Variants in SH2D4A observed in about 807,000 individuals in gnomAD.
The protein encoded by SH2D4A is SH2 domain-containing protein 4A.
Under a neutral mutation model 64.7 loss-of-function variants are expected in SH2D4A, and 70 were observed. The observed-to-expected ratio is 1.08, with a 90% CI of 0.89 to 1.32. The LOEUF (loss-of-function observed/expected upper bound fraction) is 1.32. Ranked by LOEUF, SH2D4A falls within the 40% of genes most tolerant of loss-of-function variation. SH2D4A has a pLI of 0.00. For synonymous variants in SH2D4A, 268 were observed against 200.7 expected (o/e 1.34, Z -2.83); for missense variants, 706 against 540.1 (o/e 1.31, Z -3.04).
intron 8 of SH2D4A, among the ~76,000 whole-genome samples, chr8:19,391,440 G>T (rs894801091): frequency 6.6e-6 from 1 of 152,138 alleles, no homozygotes; most frequent in East Asian, 1.9e-4. Flanking sequence ...CATGATACAT[G>T]CAATGCATGT....
intron 1 of SH2D4A, 65 bp from the exon 2 acceptor site, chr8:19,319,279 C>T (rs918168544): frequency 2.7e-6 from 3 of 1,094,828 alleles, no homozygotes; most frequent in Non-Finnish European, 3.3e-6. Context: ...TTTTTTTAAA[C>T]CCGTCCTAGC....
At chr8:19,381,078 G>A (rs768118561) in intron 8 of SH2D4A, among the ~76,000 whole-genome samples, 32 of 148,234 alleles carry the variant, frequency 2.2e-4, no homozygotes, top group Non-Finnish European at 4.2e-4. Context: ...GTCTTGCTCT[G>A]TTGCCTAGGC....
intron 8 of SH2D4A, 74 bp from the exon 9 acceptor site, chr8:19,393,244 G>A: frequency 1.5e-6 from 2 of 1,348,888 alleles, no homozygotes; most frequent in Non-Finnish European, 1.1e-6. Flanking sequence ...CTATATCCAT[G>A]CAGCTGGATT....
chr8:19,322,450 C>T (rs1460658282), intron 2 of SH2D4A, among the ~76,000 whole-genome samples: 1 of 152,082 alleles, frequency 6.6e-6, no homozygotes, highest in Non-Finnish European at 1.5e-5. Context: ...CATCATAGGC[C>T]ACCCCTGCCA....
intron 7 of SH2D4A, among the ~76,000 whole-genome samples, chr8:19,368,299 C>T (rs908931790): frequency 6.6e-6 from 1 of 151,980 alleles, no homozygotes; most frequent in Non-Finnish European, 1.5e-5. Flanking sequence ...GTGATGCCTC[C>T]CAGCTTTGTT....
chr8:19,336,250 C>T (rs1006631357), intron 4 of SH2D4A, among the ~76,000 whole-genome samples: 1 of 152,178 alleles, frequency 6.6e-6, no homozygotes, highest in Non-Finnish European at 1.5e-5. Context: ...TAAATATTAA[C>T]TACTAACTCC....
intron 8 of SH2D4A, among the ~76,000 whole-genome samples, chr8:19,377,487 C>G (rs1585201248): frequency 6.6e-6 from 1 of 152,174 alleles, no homozygotes; most frequent in East Asian, 1.9e-4. Flanking sequence ...GCTGTGATTT[C>G]CATCCATATT....
chr8:19,348,250 C>G (rs1478084530), intron 4 of SH2D4A, among the ~76,000 whole-genome samples: 1 of 152,096 alleles, frequency 6.6e-6, no homozygotes, highest in Non-Finnish European at 1.5e-5. Flanking sequence ...TGCATGCTCC[C>G]ATGCCCAGCT....
rs143302845 is a variant in SH2D4A at position 19,393,361 on chromosome 8, A to G, written c.1092A>G (p.Thr364=). The G allele has an allele frequency of 3.7e-6, 6 of 1,614,096 alleles. No homozygotes were observed. The highest frequency in any genetic ancestry group is 5.1e-6 in the Non-Finnish European group (6 of 1,179,926). ...LKKANELLLS[T]GMPGSFLIRV... is the part of the protein sequence containing the mutation. Reference sequence around the variant, plus strand: ...AAGCAAATGAACTTCTTCTGAGCACAGGCATGCCCGGCAGTTTTCTCATCC... The same window carrying G: ...AAGCAAATGAACTTCTTCTGAGCACGGGCATGCCCGGCAGTTTTCTCATCC... Residue 364 remains threonine (T), a synonymous_variant, in exon 9 of 10, where the codon ACA becomes ACG. Transcript: ENST00000265807.
At position 19,332,421 on chromosome 8, in the gene SH2D4A, G is replaced by C. The variant is rs143381972; in HGVS notation, c.182-534G>C. 2.5e-3 allele frequency among the ~76,000 whole-genome samples: 379 copies of C among 152,214 alleles called. 3 individuals are homozygous for C. Among genetic ancestry groups the C allele is most frequent in the African/African-American group, 8.8e-3 (364 of 41,540 alleles). ...CAGGCTGAGGTGGGTGGATCACGAG[G>C]TCAGGAGTTCAAGACCAGCCTGGCC... On this transcript the variant is annotated intron_variant, in intron 2 of 9. Transcript: ENST00000265807.
intron 1 of SH2D4A, chr8:19,314,203 G>C (rs1056514209): frequency 3.1e-5 from 22 of 714,568 alleles, no homozygotes; most frequent in Non-Finnish European, 3.9e-5. Flanking sequence ...CACGCGGCGC[G>C]TGCTTCCACC....
chr8:19,368,239 A>G (rs2053034468), intron 7 of SH2D4A, among the ~76,000 whole-genome samples: 1 of 152,166 alleles, frequency 6.6e-6, no homozygotes. Context: ...TGCCAGCACC[A>G]TGCTGTTTTG....
At chr8:19,355,529 A>T (rs1267670342) in intron 4 of SH2D4A, among the ~76,000 whole-genome samples, 1 of 152,236 alleles carries the variant, frequency 6.6e-6, no homozygotes, top group African/African-American at 2.4e-5. Flanking sequence ...AGGAATAAGC[A>T]TTAGATATCT....
At position 19,379,261 on chromosome 8, in the gene SH2D4A, T is replaced by A. The variant is rs143098617; in HGVS notation, c.1048+5601T>A. Among the ~76,000 whole-genome samples the A allele has an allele frequency of 2.6e-5, 4 of 152,298 alleles. No homozygotes were observed. In the East Asian group the frequency reaches 7.7e-4, roughly 29 times the overall value. On this transcript the variant is annotated intron_variant, in intron 8 of 9. Coordinates refer to ENST00000265807, the MANE Select transcript of SH2D4A (RefSeq NM_022071.4). ...TCTAAATACCTCATATAAGTAGAAC[T>A]GTACAGTATTTGTCTTTCTGTGAGT...
rs1320692877 is a variant in SH2D4A, at chr8:19,396,061, C to G, written c.*1419C>G. The G allele has an allele frequency of 6.6e-6, 1 of 152,174 alleles. No homozygotes were observed. The highest frequency in any genetic ancestry group is 1.5e-5 in the Non-Finnish European group (1 of 68,056). The allele number at this position is 152,174 out of a possible 1,614,324, so 9.4% of individuals were successfully genotyped here. ...AACCCCCGCCCACCTCAGTCCAGTC[C>G]CAGTCAGGCGAACGGCCTCTGGACA... On this transcript the variant is annotated 3_prime_UTR_variant, in exon 10 of 10. Coordinates refer to ENST00000265807, the MANE Select transcript of SH2D4A (RefSeq NM_022071.4).
At chr8:19,345,213 A>G (rs1019126045) in intron 4 of SH2D4A, among the ~76,000 whole-genome samples, 3 of 152,238 alleles carry the variant, frequency 2.0e-5, no homozygotes, top group African/African-American at 7.2e-5. Context: ...GAGCCAGGAC[A>G]GGACCTCATA....
intron 8 of SH2D4A, among the ~76,000 whole-genome samples, chr8:19,383,048 T>C (rs1585207815): frequency 6.6e-6 from 1 of 152,032 alleles, no homozygotes; most frequent in African/African-American, 2.4e-5. Flanking sequence ...GTGGGTCTCT[T>C]TAAGTTCATC....
intron 4 of SH2D4A, among the ~76,000 whole-genome samples, chr8:19,337,686 C>A (rs1359810615): frequency 6.6e-6 from 1 of 152,130 alleles, no homozygotes; most frequent in Non-Finnish European, 1.5e-5. Flanking sequence ...AGGTGAAAGG[C>A]ACGTCTAACA....
intron 2 of SH2D4A, among the ~76,000 whole-genome samples, chr8:19,323,324 A>G (rs868373479): frequency 6.6e-6 from 1 of 151,870 alleles, no homozygotes; most frequent in Admixed American, 6.6e-5. Context: ...TATGGAACTG[A>G]TGATATTTTG....
Sources: gnomAD v4.1 joint callset for allele counts (sites outside exome capture counted in the v4.1 genomes callset) on GRCh38, gnomAD v4.1.1 for gene constraint, MANE v1.5 for transcripts, NCBI Gene and HGNC (gene_info 2026-07-23, HGNC 2026-07-21) for gene names.